Variants in STK4 observed in about 807,000 individuals in gnomAD.
STK4 encodes the protein serine/threonine-protein kinase 4.
STK4 carries 30 observed loss-of-function variants against 64.9 expected under a neutral mutation model. The observed-to-expected ratio is 0.46, with a 90% CI of 0.35 to 0.63. STK4 has a LOEUF of 0.63. STK4 is among the 20% of genes least tolerant of loss of function. The probability of loss-of-function intolerance (pLI) is 0.01; values close to 1 mark genes in which losing one functional copy is unlikely to be tolerated. For missense variants in STK4, 466 were observed against 598.5 expected, an observed-to-expected ratio of 0.78 and a Z score of 2.31; for synonymous variants, 177 against 199.0, an observed-to-expected ratio of 0.89 and a Z score of 0.93.
At chr20:44,985,872 T>C (rs2067522348) in intron 4 of STK4, among the ~76,000 whole-genome samples, 1 of 152,188 alleles carries the variant, frequency 6.6e-6, no homozygotes, top group Non-Finnish European at 1.5e-5. Flanking sequence ...TCCCAAATCC[T>C]ACAGTTTTTG....
At chr20:45,030,915 G>A (rs1292279249) in intron 10 of STK4, among the ~76,000 whole-genome samples, 1 of 152,128 alleles carries the variant, frequency 6.6e-6, no homozygotes, top group African/African-American at 2.4e-5. Context: ...AGATGACCCA[G>A]GCTGGGTGCA....
chr20:45,033,851 A>G (rs138994975), intron 10 of STK4, among the ~76,000 whole-genome samples: 4,280 of 152,266 alleles, frequency 0.028, 186 homozygotes, highest in African/African-American at 0.092. Context: ...AAGTGCTGGG[A>G]TTACAGGTGT....
intron 1 of STK4, among the ~76,000 whole-genome samples, chr20:44,968,210 T>C (rs1318587032): frequency 6.6e-6 from 1 of 152,020 alleles, no homozygotes; most frequent in African/African-American, 2.4e-5. Flanking sequence ...CAATCTCGGC[T>C]CACTGCTACT....
chr20:44,981,010 C>T (rs1177172550), intron 3 of STK4, among the ~76,000 whole-genome samples: 4 of 152,012 alleles, frequency 2.6e-5, no homozygotes, highest in Non-Finnish European at 5.9e-5. Context: ...CATATTCTTC[C>T]AAATCACTTT....
intron 2 of STK4, among the ~76,000 whole-genome samples, chr20:44,976,890 A>G (rs2067348232): frequency 6.6e-6 from 1 of 152,174 alleles, no homozygotes; most frequent in Admixed American, 6.5e-5. Context: ...TAACCAAAGA[A>G]AGAAGGGAAG....
chr20:44,978,053 T>C (rs1417209576), intron 2 of STK4, among the ~76,000 whole-genome samples: 1 of 152,230 alleles, frequency 6.6e-6, no homozygotes, highest in Non-Finnish European at 1.5e-5. Context: ...TATGTGACCT[T>C]GGGCAAATCA....
chr20:45,025,904 A>G (rs547970008), intron 10 of STK4, among the ~76,000 whole-genome samples: 4 of 152,098 alleles, frequency 2.6e-5, no homozygotes, highest in African/African-American at 4.8e-5. Flanking sequence ...GCTTTCCACT[A>G]TACTACTGAC....
chr20:45,073,883 G>A (rs190635704), intron 10 of STK4, among the ~76,000 whole-genome samples: 26 of 152,304 alleles, frequency 1.7e-4, no homozygotes, highest in Admixed American at 1.2e-3. Flanking sequence ...CTTTACAGCC[G>A]TGATCTTATT....
intron 6 of STK4, among the ~76,000 whole-genome samples, chr20:44,995,775 G>T (rs1335457351): frequency 6.6e-6 from 1 of 152,096 alleles, no homozygotes; most frequent in Non-Finnish European, 1.5e-5. Context: ...CATTCCAGAG[G>T]TTGTGTATTG....
rs376151607 is a variant in STK4 at position 44,997,118 on chromosome 20, C to T, written c.694-51C>T. The T allele has an allele frequency of 5.9e-5, 94 of 1,605,692 alleles. No individual in the cohort carries two copies. The African/African-American group carries it at 1.0e-3, about 18-fold the overall frequency. On this transcript the variant is annotated intron_variant, in intron 6 of 10. Coordinates refer to ENST00000372806, the MANE Select transcript of STK4 (RefSeq NM_006282.5). Reference sequence around the variant, plus strand: ...ATTCCACATGTATTTTTTATTGGAGCATTACTTTTATTTTACCAGATCTTT... The same window carrying T: ...ATTCCACATGTATTTTTTATTGGAGTATTACTTTTATTTTACCAGATCTTT...
Position 45,000,480 on chromosome 20 carries a change from C to G in STK4, c.920C>G (p.Ser307Cys), listed in dbSNP as rs760880030. 1 of 1,614,110 alleles carries G rather than the reference C, an allele frequency of 6.2e-7. No individual in the cohort carries two copies. Among genetic ancestry groups the G allele is most frequent in the South Asian group, 1.1e-5 (1 of 91,078 alleles). The change falls in exon 8 of 11, where the codon TCC (serine) becomes TGC (cysteine). Residue 307 changes from serine to cysteine, a missense_variant. Ser to Cys is a moderately radical substitution (Grantham distance 112). Coordinates refer to ENST00000372806, the MANE Select transcript of STK4 (RefSeq NM_006282.5). The stretch of plus-strand genomic sequence containing the variant: ...GATGTGAAACTGAAACGCCAGGAAT[C>G]CCAGCAGCGGGAAGTGGACCAGGAC... ...AMDVKLKRQE[S>C]QQREVDQDDE...
intron 10 of STK4, among the ~76,000 whole-genome samples, chr20:45,045,478 T>C (rs1404710326): frequency 6.6e-6 from 1 of 152,218 alleles, no homozygotes; most frequent in Non-Finnish European, 1.5e-5. Context: ...AAATACCCAA[T>C]GTTATAAACC....
At chr20:45,021,704 C>T (rs1211096681) in intron 9 of STK4, among the ~76,000 whole-genome samples, 1 of 152,204 alleles carries the variant, frequency 6.6e-6, no homozygotes, top group Non-Finnish European at 1.5e-5. Context: ...ATCAGAGATA[C>T]TCTTGTCACT....
intron 7 of STK4, among the ~76,000 whole-genome samples, chr20:44,997,780 A>G (rs769526185): frequency 7.2e-5 from 11 of 152,240 alleles, no homozygotes; most frequent in Non-Finnish European, 1.2e-4. Context: ...ATGTTAAATC[A>G]TTGAACAAGA....
chr20:45,022,435 T>C (rs1376877589), intron 9 of STK4, among the ~76,000 whole-genome samples: 1 of 152,168 alleles, frequency 6.6e-6, no homozygotes, highest in Non-Finnish European at 1.5e-5. Flanking sequence ...GTGTTTTAAC[T>C]CCAAAAATTA....
Position 45,075,449 on chromosome 20 carries a change from T to G in STK4, c.*273T>G, listed in dbSNP as rs1980439473. 2 of 282,884 alleles carry G rather than the reference T, an allele frequency of 7.1e-6. No individual in the cohort carries two copies. Among genetic ancestry groups the G allele is most frequent in the Admixed American group, 9.2e-5 (2 of 21,670 alleles). 17.5% of individuals were successfully genotyped at this position (282,884 alleles called of 1,614,324 possible). The stretch of plus-strand genomic sequence containing the variant: ...AACCCCAGGAACAGAGACTCCTAGT[T>G]GAGTGATAGCTGGGAAAGTTTTACA... On this transcript the variant is annotated 3_prime_UTR_variant, in exon 11 of 11. Transcript: ENST00000372806.
At chr20:45,066,773 A>G (rs1033944965) in intron 10 of STK4, among the ~76,000 whole-genome samples, 4 of 152,230 alleles carry the variant, frequency 2.6e-5, no homozygotes, top group Non-Finnish European at 4.4e-5. Context: ...GGAAGACTTT[A>G]TAGGGGACTG....
Position 45,062,843 on chromosome 20 carries a change from ATT to A in STK4, c.1306-12156_1306-12155del, listed in dbSNP as rs35335969. Among the ~76,000 whole-genome samples the A allele has an allele frequency of 4.3e-3, 456 of 106,318 alleles. 2 individuals are homozygous for A. The highest frequency in any genetic ancestry group is 0.014 in the African/African-American group (379 of 27,964). 69.7% of individuals were successfully genotyped at this position (106,318 alleles called of 152,430 possible). A position where few individuals can be genotyped will look rare whatever the true frequency, so the allele number is the denominator to read the frequency against. On this transcript the variant is annotated intron_variant, in intron 10 of 10. Coordinates refer to ENST00000372806, the MANE Select transcript of STK4 (RefSeq NM_006282.5). ...CAGGCGCCCACCACCACGCCCGGCT[ATT>A]TTTTTTTTTTTTTTTTTTGTATTTT... is the stretch of plus-strand genomic sequence containing the variant.
intron 9 of STK4, among the ~76,000 whole-genome samples, chr20:45,023,717 C>T (rs1472811915): frequency 6.6e-6 from 1 of 151,966 alleles, no homozygotes; most frequent in Non-Finnish European, 1.5e-5. Context: ...CTGCTGTATT[C>T]TGCTCTCTTA....
Sources: allele counts gnomAD v4.1 joint callset (sites outside exome capture counted in the v4.1 genomes callset), GRCh38; gene constraint gnomAD v4.1.1; transcripts MANE v1.5; gene names NCBI Gene and HGNC (gene_info 2026-07-23, HGNC 2026-07-21).